BRCA1: variants seen among roughly 807,000 people sequenced by gnomAD.
BRCA1 encodes BRCA1 DNA repair associated.
In BRCA1, 140 loss-of-function variants were observed where a neutral mutation model predicts 173.7. That is an observed-to-expected ratio of 0.81 (90% CI 0.70 to 0.93). BRCA1 has a LOEUF of 0.93. Among genes scored for constraint, BRCA1 ranks in the 40% least tolerant of loss-of-function variants. BRCA1 has a pLI of 0.00. For missense variants in BRCA1, 1,983 were observed against 2,172.5 expected (o/e 0.91, Z 1.73); for synonymous variants, 662 against 756.0 (o/e 0.88, Z 2.04).
chr17:43,066,983 A>G (rs2052109867), intron 16 of BRCA1, among the ~76,000 whole-genome samples: 1 of 150,454 alleles, frequency 6.6e-6, no homozygotes, highest in South Asian at 2.1e-4. Context: ...ACGCCCACCT[A>G]ATTTTTATAT....
intron 1 of BRCA1, among the ~76,000 whole-genome samples, chr17:43,154,292 T>C (rs2056182159): frequency 6.6e-6 from 1 of 152,144 alleles, no homozygotes; most frequent in African/African-American, 2.4e-5. Context: ...GAGACCAGCC[T>C]GGCCAACATG....
At chr17:43,145,654 T>C (rs796956893) in intron 1 of BRCA1, among the ~76,000 whole-genome samples, 32 of 152,338 alleles carry the variant, frequency 2.1e-4, no homozygotes, top group African/African-American at 7.7e-4. Flanking sequence ...TCAACTATTT[T>C]GTAAATGCAA....
chr17:43,126,303 G>A (rs1216232229), upstream of BRCA1, among the ~76,000 whole-genome samples: 1 of 152,228 alleles, frequency 6.6e-6, no homozygotes, highest in African/African-American at 2.4e-5. Flanking sequence ...AGGGACAAGT[G>A]GTAAGAGCCA....
intron 1 of BRCA1, among the ~76,000 whole-genome samples, chr17:43,135,309 G>A (rs561684598): frequency 2.0e-5 from 3 of 152,322 alleles, no homozygotes; most frequent in South Asian, 2.1e-4. Context: ...CCGGCCCAGC[G>A]TTCAAGCCCA....
At chr17:43,152,441 C>T (rs1234507941) in intron 1 of BRCA1, among the ~76,000 whole-genome samples, 1 of 152,166 alleles carries the variant, frequency 6.6e-6, no homozygotes, top group Non-Finnish European at 1.5e-5. Context: ...GAACTCCAGG[C>T]CGGGTGCAGT....
intron 15 of BRCA1, among the ~76,000 whole-genome samples, chr17:43,070,309 A>C (rs2153789354): frequency 6.6e-6 from 1 of 152,198 alleles, no homozygotes; most frequent in Admixed American, 6.5e-5. Flanking sequence ...GATGTCTGAA[A>C]TCCACAAATA....
chr17:43,071,255 A>G lies in BRCA1; in HGVS notation c.4676-17T>C, dbSNP rs1436309521. ...GGGTTCCCTCTGAAAGGAATGGGAGAAGTTTAATTTACACAACGATGAATG... is the reference window on the plus strand; with the variant it reads ...GGGTTCCCTCTGAAAGGAATGGGAGGAGTTTAATTTACACAACGATGAATG... On this transcript the variant is annotated splice_polypyrimidine_tract_variant and intron_variant, in intron 14 of 22. Coordinates refer to ENST00000357654, the MANE Select transcript of BRCA1 (RefSeq NM_007294.4). The G allele has an allele frequency of 1.2e-6, 2 of 1,611,280 alleles. No individual in the cohort carries two copies. Among genetic ancestry groups the G allele is most frequent in the Non-Finnish European group, 1.7e-6 (2 of 1,177,658 alleles).
intron 1 of BRCA1, among the ~76,000 whole-genome samples, chr17:43,136,436 G>A (rs1266183830): frequency 6.6e-6 from 1 of 152,106 alleles, no homozygotes; most frequent in Non-Finnish European, 1.5e-5. Flanking sequence ...TTGACAAATG[G>A]AATCTAATTA....
chr17:43,167,961 G>A (rs558573504), intron 1 of BRCA1: 2 of 175,750 alleles, frequency 1.1e-5, no homozygotes, highest in Admixed American at 1.3e-4. Context: ...TGTTGAAGAG[G>A]AGAGGAGTGG....
intron 2 of BRCA1, among the ~76,000 whole-genome samples, chr17:43,121,782 A>C (rs2055591696): frequency 6.6e-6 from 1 of 152,144 alleles, no homozygotes; most frequent in African/African-American, 2.4e-5. Flanking sequence ...GAAAATAACA[A>C]TTTAGCATTT....
chr17:43,100,686 T>TAACATATATATATATATATATATATA lies in BRCA1; in HGVS notation c.442-807_442-806insTATATATATATATATATATATATGTT, dbSNP rs1567807839. ...TATATATATATATATATAATATATA[T>TAACATATATATATATATATATATATA]ATATATATATATATATGTAATCCCA... On this transcript the variant is annotated intron_variant, in intron 6 of 22. Transcript: ENST00000357654. Among the ~76,000 whole-genome samples the TAACATATATATATATATATATATATA allele has an allele frequency of 2.2e-3, 38 of 17,432 alleles. 1 individual carries two copies. The highest frequency in any genetic ancestry group is 4.2e-3 in the African/African-American group (38 of 9,148). The allele number at this position is 17,432 out of a possible 152,430, so 11.4% of individuals were successfully genotyped here. A position where few individuals can be genotyped will look rare whatever the true frequency, so the allele number is the denominator to read the frequency against.
rs554694722 is a variant in BRCA1, at chr17:43,057,240, T to G, written c.5194-105A>C. 5 of 1,081,704 alleles carry G rather than the reference T, an allele frequency of 4.6e-6. No homozygotes were observed. The African/African-American group carries it at 6.2e-5, about 13-fold the overall frequency. The allele number at this position is 1,081,704 out of a possible 1,614,324, so 67.0% of individuals were successfully genotyped here. Reference sequence around the variant, plus strand: ...TTTAAGGCATTCAGGCCAGGCGCAGTGGCTCACCCCTGTAATCCTAGCACT... The same window carrying G: ...TTTAAGGCATTCAGGCCAGGCGCAGGGGCTCACCCCTGTAATCCTAGCACT... On this transcript the variant is annotated intron_variant, in intron 18 of 22. Coordinates refer to ENST00000357654, the MANE Select transcript of BRCA1 (RefSeq NM_007294.4).
At chr17:43,057,865 C>A (rs920758806) in intron 18 of BRCA1, among the ~76,000 whole-genome samples, 5 of 144,742 alleles carry the variant, frequency 3.5e-5, no homozygotes, top group Non-Finnish European at 1.5e-5. Context: ...ACAAAAAAAC[C>A]AAAAATTAGC....
At chr17:43,089,460 C>T (rs891855503) in intron 11 of BRCA1, among the ~76,000 whole-genome samples, 1 of 151,864 alleles carries the variant, frequency 6.6e-6, no homozygotes, top group Non-Finnish European at 1.5e-5. Context: ...ATCAAATGGT[C>T]ATATATATGG....
chr17:43,075,995 A>G (rs561728699), intron 13 of BRCA1, among the ~76,000 whole-genome samples: 1 of 152,114 alleles, frequency 6.6e-6, no homozygotes, highest in Non-Finnish European at 1.5e-5. Context: ...CAGGAGGCTA[A>G]GGTGGGAGGA....
At chr17:43,135,475 G>A (rs1278301574) in intron 1 of BRCA1, among the ~76,000 whole-genome samples, 4 of 152,212 alleles carry the variant, frequency 2.6e-5, no homozygotes, top group East Asian at 3.9e-4. Context: ...ACAACAGTGC[G>A]TTAAATAAGG....
At position 43,092,006 on chromosome 17, in the gene BRCA1, A is replaced by G. The variant is rs1131692086; in HGVS notation, c.3525T>C (p.Ala1175=). The change falls in exon 10 of 23, where the codon GCT becomes GCC. Residue 1175 remains alanine (A), a synonymous_variant. Transcript: ENST00000357654. ...CTTTCTGGACGCTTTTGCTAAAAAC[A>G]GCAGAACTTTCCTTAATGTCATTTT... ...FAENDIKESS[A]VFSKSVQKGE... 1 of 1,614,126 alleles carries G rather than the reference A, an allele frequency of 6.2e-7. No individual in the cohort carries two copies. The highest frequency in any genetic ancestry group is 1.6e-4 in the Middle Eastern group (1 of 6,062).
rs368150057 is a variant in BRCA1 at position 43,085,549 on chromosome 17, A to G, written c.4186-2974T>C. ...CACCCCTCACACAAGTTGTTTTCCT[A>G]TAACACATGACAACTTTACGTTTCC... is the stretch of plus-strand genomic sequence containing the variant. On this transcript the variant is annotated intron_variant, in intron 11 of 22. Transcript: ENST00000357654. Among the ~76,000 whole-genome samples the G allele has an allele frequency of 1.8e-4, 28 of 152,272 alleles. No homozygotes were observed. The South Asian group carries it at 3.9e-3, about 21-fold the overall frequency.
At chr17:43,055,693 C>T (rs1178963682) in intron 19 of BRCA1, among the ~76,000 whole-genome samples, 2 of 152,050 alleles carry the variant, frequency 1.3e-5, no homozygotes, top group African/African-American at 2.4e-5. Context: ...GGCTAAGGCA[C>T]GAGAATCACT....
Sources: allele counts gnomAD v4.1 joint callset (sites outside exome capture counted in the v4.1 genomes callset), GRCh38; gene constraint gnomAD v4.1.1; transcripts MANE v1.5; gene names NCBI Gene and HGNC (gene_info 2026-07-23, HGNC 2026-07-21).